The following METTL25 variants were observed in gnomAD, a reference collection of about 807,000 sequenced individuals.
The protein encoded by METTL25 is methyltransferase like 25, also known as probable methyltransferase-like protein 25.
Under a neutral mutation model 71.6 loss-of-function variants are expected in METTL25, and 64 were observed. The ratio of observed to expected loss-of-function variants is 0.89; its 90% CI spans 0.73 to 1.10. METTL25 has a LOEUF of 1.10. Among genes scored for constraint, METTL25 ranks in the 50% least tolerant of loss-of-function variants. The pLI, the probability that METTL25 is intolerant of heterozygous loss-of-function variation, is 0.00. For synonymous variants in METTL25, 287 were observed against 250.3 expected (o/e 1.15, Z -1.38); for missense variants, 807 against 707.0 (o/e 1.14, Z -1.60).
intron 5 of METTL25, among the ~76,000 whole-genome samples, chr12:82,430,582 A>G (rs1490464234): frequency 1.3e-5 from 2 of 151,748 alleles, no homozygotes; most frequent in African/African-American, 2.4e-5. Flanking sequence ...CTTATCTCCT[A>G]TAGTTATATT....
chr12:82,453,480 C>T (rs1203798231), intron 8 of METTL25, among the ~76,000 whole-genome samples: 2 of 152,082 alleles, frequency 1.3e-5, no homozygotes, highest in East Asian at 1.9e-4. Flanking sequence ...TTTACTTAAC[C>T]TCTGTCTACT....
rs778726275 is a variant in METTL25 at position 82,358,804 on chromosome 12, TGGAAGCAGAGTG to T, written c.248_259del (p.Glu83_Ala86del). Reference sequence around the variant, plus strand: ...CTGCCCTCAGAGACGCGCCCCCTAGTGGAAGCAGAGTGGGAAGCAGGTGGGTGGTGGGGTAGG... The same window carrying T: ...CTGCCCTCAGAGACGCGCCCCCTAGTGGAAGCAGGTGGGTGGTGGGGTAGG... On this transcript the variant is annotated inframe_deletion, in exon 1 of 12. Transcript: ENST00000248306. 4 of 1,607,684 alleles carry T rather than the reference TGGAAGCAGAGTG, an allele frequency of 2.5e-6. No homozygotes were observed. The African/African-American group carries it at 5.5e-5, about 22-fold the overall frequency.
In METTL25 at chr12:82,399,158, C is replaced by T. The variant is rs1463145191; in HGVS notation, c.895C>T (p.Gln299Ter). The stretch of plus-strand genomic sequence containing the variant: ...AAACCAAATGGAAACCCTTCATTCT[C>T]AGCCACATCAAGAAGAAAATTTGTG... ...IRNQMETLHSQPHQEENLCFE... is the reference protein window; with the variant it reads ...IRNQMETLHS Residue 299 changes from glutamine (Q) to a stop codon, truncating the protein, a stop_gained, in exon 4 of 12, where the codon CAG becomes TAG. Transcript: ENST00000248306. LOFTEE classifies it high-confidence loss of function. 3.7e-6 allele frequency: 6 copies of T among 1,613,482 alleles called. No individual in the cohort carries two copies. The highest frequency in any genetic ancestry group is 1.7e-4 in the Middle Eastern group (1 of 6,054).
At chr12:82,387,823 T>G (rs1340688564) in intron 2 of METTL25, among the ~76,000 whole-genome samples, 1 of 152,094 alleles carries the variant, frequency 6.6e-6, no homozygotes, top group African/African-American at 2.4e-5. Context: ...AACAAGGGCA[T>G]TTTCCTACAC....
intron 1 of METTL25, among the ~76,000 whole-genome samples, chr12:82,364,662 A>G (rs146100134): frequency 6.6e-6 from 1 of 152,336 alleles, no homozygotes; most frequent in African/African-American, 2.4e-5. Flanking sequence ...AAGATGATGT[A>G]TACATAGCAC....
intron 5 of METTL25, among the ~76,000 whole-genome samples, chr12:82,424,579 T>C (rs1565853930): frequency 6.6e-6 from 1 of 151,768 alleles, no homozygotes; most frequent in Non-Finnish European, 1.5e-5. Flanking sequence ...ATATTGATAA[T>C]GCAAAACTAG....
intron 8 of METTL25, among the ~76,000 whole-genome samples, chr12:82,454,954 ACT>A (rs1891384619): frequency 6.6e-6 from 1 of 151,842 alleles, no homozygotes; most frequent in African/African-American, 2.4e-5. Flanking sequence ...CCTCATAGTG[ACT>A]CTATGAAGTA....
chr12:82,382,837 T>C (rs1884574236), intron 1 of METTL25, among the ~76,000 whole-genome samples: 1 of 152,056 alleles, frequency 6.6e-6, no homozygotes, highest in Non-Finnish European at 1.5e-5. Flanking sequence ...GCTCCTCAAG[T>C]AGCTGGGACT....
At chr12:82,387,711 A>C (rs76580156) in intron 2 of METTL25, among the ~76,000 whole-genome samples, 2 of 32,172 alleles carry the variant, frequency 6.2e-5, no homozygotes, top group South Asian at 7.2e-3. Context: ...CTACACACAC[A>C]CGCGCACACA....
intron 1 of METTL25, among the ~76,000 whole-genome samples, chr12:82,381,953 AG>A (rs1206220921): frequency 2.0e-5 from 3 of 152,150 alleles, no homozygotes; most frequent in African/African-American, 7.2e-5. Context: ...GTGATGTGGG[AG>A]GGGGTTTTCA....
intron 1 of METTL25, among the ~76,000 whole-genome samples, chr12:82,386,211 A>G (rs1884980985): frequency 1.3e-5 from 2 of 152,134 alleles, no homozygotes; most frequent in South Asian, 4.1e-4. Context: ...CCCCCCTGCC[A>G]CAAGTCTGCA....
intron 11 of METTL25, among the ~76,000 whole-genome samples, chr12:82,478,568 A>G (rs1043980756): frequency 6.6e-6 from 1 of 151,778 alleles, no homozygotes; most frequent in African/African-American, 2.4e-5. Context: ...GCAGTTTTAC[A>G]TCTAATTTGT....
intron 8 of METTL25, among the ~76,000 whole-genome samples, chr12:82,449,084 T>G (rs1272049727): frequency 6.6e-6 from 1 of 152,194 alleles, no homozygotes; most frequent in African/African-American, 2.4e-5. Context: ...CATGTGGGTG[T>G]TGTTGGATTC....
At chr12:82,471,965 G>A (rs1446561295) in intron 9 of METTL25, among the ~76,000 whole-genome samples, 2 of 151,962 alleles carry the variant, frequency 1.3e-5, no homozygotes, top group African/African-American at 4.8e-5. Flanking sequence ...AGGGAGAAAG[G>A]GATAGAATTT....
At chr12:82,387,473 T>G (rs1473063546) in intron 2 of METTL25, among the ~76,000 whole-genome samples, 1 of 152,010 alleles carries the variant, frequency 6.6e-6, no homozygotes, top group East Asian at 1.9e-4. Flanking sequence ...ACATGCCAAT[T>G]AAAAGGCAGA....
At chr12:82,385,367 G>A (rs947624506) in intron 1 of METTL25, among the ~76,000 whole-genome samples, 1 of 151,954 alleles carries the variant, frequency 6.6e-6, no homozygotes, top group Non-Finnish European at 1.5e-5. Context: ...TAGCTATGCT[G>A]GAGAAGACTT....
At chr12:82,427,115 C>T (rs1298105188) in intron 5 of METTL25, among the ~76,000 whole-genome samples, 1 of 151,976 alleles carries the variant, frequency 6.6e-6, no homozygotes, top group Non-Finnish European at 1.5e-5. Context: ...CCTATATATA[C>T]TGCCTCTTCT....
intron 5 of METTL25, among the ~76,000 whole-genome samples, chr12:82,430,182 C>CT (rs1034680312): frequency 1.3e-5 from 2 of 148,950 alleles, no homozygotes; most frequent in Non-Finnish European, 3.0e-5. Context: ...ATAGAAATTG[C>CT]TTTTTTTTTC....
chr12:82,393,221 TATG>T (rs1885760663), intron 3 of METTL25, among the ~76,000 whole-genome samples: 1 of 152,080 alleles, frequency 6.6e-6, no homozygotes, highest in Non-Finnish European at 1.5e-5. Flanking sequence ...CTTTGGGTAA[TATG>T]CACATTTTAA....
Sources: gnomAD v4.1 joint callset for allele counts (sites outside exome capture counted in the v4.1 genomes callset) on GRCh38, gnomAD v4.1.1 for gene constraint, MANE v1.5 for transcripts, NCBI Gene and HGNC (gene_info 2026-07-23, HGNC 2026-07-21) for gene names.